MYRIP: variants seen among roughly 807,000 people sequenced by gnomAD.
MYRIP encodes the protein rab effector MyRIP.
A neutral mutation model predicts 98.0 loss-of-function variants in MYRIP; 49 were observed. The ratio of observed to expected loss-of-function variants is 0.50; its 90% confidence interval spans 0.40 to 0.63. The LOEUF is 0.63. MYRIP is among the 30% of genes least tolerant of loss of function. MYRIP has a pLI of 0.00. For missense variants in MYRIP, 1,004 were observed against 1,058.2 expected, an observed-to-expected ratio of 0.95 and a Z score of 0.71; for synonymous variants, 404 against 409.5, an observed-to-expected ratio of 0.99 and a Z score of 0.16.
chr3:40,054,826 C>A (rs1480008104), intron 3 of MYRIP, among the ~76,000 whole-genome samples: 1 of 152,162 alleles, frequency 6.6e-6, no homozygotes, highest in Non-Finnish European at 1.5e-5. Flanking sequence ...CCTTGGCAAC[C>A]GTCATCGTCT....
At chr3:40,206,196 G>T (rs1951789100) in intron 10 of MYRIP, among the ~76,000 whole-genome samples, 1 of 152,068 alleles carries the variant, frequency 6.6e-6, no homozygotes, top group Non-Finnish European at 1.5e-5. Flanking sequence ...TCAGCTCATG[G>T]GGGGAAATAT....
intron 9 of MYRIP, among the ~76,000 whole-genome samples, chr3:40,183,150 T>C (rs940816672): frequency 2.0e-5 from 3 of 152,192 alleles, no homozygotes; most frequent in Non-Finnish European, 2.9e-5. Context: ...CACGCCACTT[T>C]CACTCCCAAC....
intron 2 of MYRIP, among the ~76,000 whole-genome samples, chr3:39,998,320 C>A (rs1192496100): frequency 6.6e-6 from 1 of 152,180 alleles, no homozygotes; most frequent in Non-Finnish European, 1.5e-5. Context: ...AGCTGATAGG[C>A]AACTTCAGCA....
chr3:39,885,494 G>A (rs1036131296), intron 1 of MYRIP, among the ~76,000 whole-genome samples: 9 of 151,956 alleles, frequency 5.9e-5, no homozygotes, highest in Admixed American at 2.0e-4. Context: ...CTCTTCTCGC[G>A]GAGTATCTTT....
chr3:39,922,321 C>T (rs765817748), intron 2 of MYRIP, among the ~76,000 whole-genome samples: 17 of 152,108 alleles, frequency 1.1e-4, no homozygotes, highest in African/African-American at 2.7e-4. Context: ...TCCATCCAAA[C>T]GACACAGAAA....
intron 3 of MYRIP, among the ~76,000 whole-genome samples, chr3:40,100,827 C>A (rs1211456628): frequency 1.3e-5 from 2 of 152,182 alleles, no homozygotes; most frequent in East Asian, 1.9e-4. Context: ...CAGCATGATA[C>A]TATATCCATC....
intron 2 of MYRIP, among the ~76,000 whole-genome samples, chr3:39,982,568 C>T (rs1396934168): frequency 6.6e-6 from 1 of 152,084 alleles, no homozygotes; most frequent in Non-Finnish European, 1.5e-5. Flanking sequence ...TGAGGCCTGC[C>T]AAGCCTCTTG....
chr3:40,103,506 C>T (rs1427426368), intron 3 of MYRIP, among the ~76,000 whole-genome samples: 3 of 152,236 alleles, frequency 2.0e-5, no homozygotes, highest in Non-Finnish European at 4.4e-5. Flanking sequence ...CGCCTATAAT[C>T]CCAACACTTT....
chr3:40,033,435 C>T (rs1947305440), intron 2 of MYRIP, among the ~76,000 whole-genome samples: 1 of 152,036 alleles, frequency 6.6e-6, no homozygotes, highest in South Asian at 2.1e-4. Flanking sequence ...AACAGACAAA[C>T]AGAGACCCAA....
At chr3:40,212,105 TATATATATATACATATATATAC>T (rs1399707497) in intron 11 of MYRIP, among the ~76,000 whole-genome samples, 1 of 137,150 alleles carries the variant, frequency 7.3e-6, no homozygotes, top group Non-Finnish European at 1.6e-5. Context: ...TGTGTGTGTG[TATATATATATACATATATATAC>T]GTGTATATAT....
intron 3 of MYRIP, among the ~76,000 whole-genome samples, chr3:40,055,638 A>G (rs6808524): frequency 0.29 from 44,288 of 152,104 alleles, 6,524 homozygotes; most frequent in East Asian, 0.36. Flanking sequence ...CATACCAAGG[A>G]CATGAACAGG....
intron 2 of MYRIP, among the ~76,000 whole-genome samples, chr3:40,035,098 A>T (rs1947348491): frequency 6.8e-6 from 1 of 147,456 alleles, no homozygotes; most frequent in African/African-American, 2.5e-5. Flanking sequence ...GGGGAGGGAT[A>T]GCATTAGGAG....
At chr3:40,093,363 C>T (rs1298009646) in intron 3 of MYRIP, among the ~76,000 whole-genome samples, 1 of 152,188 alleles carries the variant, frequency 6.6e-6, no homozygotes, top group Admixed American at 6.5e-5. Context: ...TGGCAATCTT[C>T]CTTCAACCCA....
chr3:39,836,661 C>G lies in MYRIP; in HGVS notation c.-31+26745C>G, dbSNP rs561421017. ...CAGATATTCTGCTTTGCCAGTCCAG[C>G]TGAGGGTCTGAGGCCACTCACAGAC... On this transcript the variant is annotated intron_variant, in intron 1 of 16. Coordinates refer to ENST00000302541, the MANE Select transcript of MYRIP (RefSeq NM_015460.4). 1.6e-4 allele frequency among the ~76,000 whole-genome samples: 24 copies of G among 152,348 alleles called. 1 individual carries two copies. The Middle Eastern group carries it at 0.017, about 108-fold the overall frequency.
chr3:40,011,251 T>A (rs1946754254), intron 2 of MYRIP, among the ~76,000 whole-genome samples: 1 of 152,200 alleles, frequency 6.6e-6, no homozygotes, highest in Admixed American at 6.5e-5. Flanking sequence ...CCTAGTCACA[T>A]GGCCACACCT....
intron 13 of MYRIP, among the ~76,000 whole-genome samples, chr3:40,249,213 T>C (rs1268637082): frequency 6.6e-6 from 1 of 152,178 alleles, no homozygotes; most frequent in Non-Finnish European, 1.5e-5. Context: ...ACCATCAGCT[T>C]ATTGTCTGAT....
chr3:39,976,697 A>G (rs1575429978), intron 2 of MYRIP, among the ~76,000 whole-genome samples: 1 of 152,246 alleles, frequency 6.6e-6, no homozygotes, highest in African/African-American at 2.4e-5. Flanking sequence ...CATATACACC[A>G]TGGAATACTA....
intron 10 of MYRIP, among the ~76,000 whole-genome samples, chr3:40,208,057 T>G (rs1951831026): frequency 6.6e-6 from 1 of 152,232 alleles, no homozygotes; most frequent in Non-Finnish European, 1.5e-5. Context: ...TTCATTATTC[T>G]ATTTATTTTT....
chr3:39,977,982 T>C (rs1003440778), intron 2 of MYRIP, among the ~76,000 whole-genome samples: 1 of 150,548 alleles, frequency 6.6e-6, no homozygotes, highest in South Asian at 2.1e-4. Flanking sequence ...TGTCATCACA[T>C]ATCCATACAA....
Sources: allele counts gnomAD v4.1 joint callset (sites outside exome capture counted in the v4.1 genomes callset), GRCh38; gene constraint gnomAD v4.1.1; transcripts MANE v1.5; gene names NCBI Gene and HGNC (gene_info 2026-07-23, HGNC 2026-07-21).